Variants in PITPNC1 observed in about 807,000 individuals in gnomAD.
PITPNC1 encodes phosphatidylinositol transfer protein cytoplasmic 1.
PITPNC1 carries 18 observed loss-of-function variants against 44.7 expected under a neutral mutation model. That is an observed-to-expected ratio of 0.40 (90% CI 0.28 to 0.60). PITPNC1 has a LOEUF of 0.60. Among genes scored for constraint, PITPNC1 ranks in the 20% least tolerant of loss-of-function variants. PITPNC1 has a pLI of 0.39. For missense variants in PITPNC1, 290 were observed against 418.4 expected (o/e 0.69, Z 2.68); for synonymous variants, 141 against 149.6 (o/e 0.94, Z 0.42).
At chr17:67,490,107 C>A (rs1169181745) in intron 1 of PITPNC1, among the ~76,000 whole-genome samples, 2 of 140,428 alleles carry the variant, frequency 1.4e-5, no homozygotes, top group Admixed American at 1.5e-4. Flanking sequence ...TGGAAACAGG[C>A]TTTTCTGTGT....
At chr17:67,634,301 G>A (rs1049586308) in intron 6 of PITPNC1, among the ~76,000 whole-genome samples, 3 of 152,182 alleles carry the variant, frequency 2.0e-5, no homozygotes, top group Non-Finnish European at 4.4e-5. Flanking sequence ...GGATGTCTGG[G>A]CATGGTGCCT....
intron 1 of PITPNC1, among the ~76,000 whole-genome samples, chr17:67,387,418 C>T (rs959413372): frequency 6.6e-6 from 1 of 152,218 alleles, no homozygotes; most frequent in East Asian, 1.9e-4. Context: ...GTAATCCCAG[C>T]ACTTTGGGGT....
intron 1 of PITPNC1, among the ~76,000 whole-genome samples, chr17:67,462,618 A>G (rs1001634264): frequency 5.9e-5 from 9 of 152,018 alleles, no homozygotes; most frequent in African/African-American, 2.2e-4. Context: ...AATACATATC[A>G]TGCTAGAAAA....
chr17:67,555,274 G>A (rs1049395659), intron 4 of PITPNC1, among the ~76,000 whole-genome samples: 1 of 152,060 alleles, frequency 6.6e-6, no homozygotes, highest in Non-Finnish European at 1.5e-5. Flanking sequence ...GTCTTTAGAG[G>A]GTCATATTGT....
chr17:67,547,234 G>A (rs1361956354), intron 2 of PITPNC1, among the ~76,000 whole-genome samples: 1 of 152,162 alleles, frequency 6.6e-6, no homozygotes, highest in Non-Finnish European at 1.5e-5. Context: ...TCTGGTAAAG[G>A]CCAGGTGCAC....
At chr17:67,434,284 T>C (rs1408224233) in intron 1 of PITPNC1, among the ~76,000 whole-genome samples, 2 of 152,194 alleles carry the variant, frequency 1.3e-5, no homozygotes, top group African/African-American at 4.8e-5. Flanking sequence ...CAGAAACTAC[T>C]TTGCATCCCA....
intron 1 of PITPNC1, among the ~76,000 whole-genome samples, chr17:67,380,639 C>T (rs1038878618): frequency 6.6e-6 from 1 of 152,130 alleles, no homozygotes; most frequent in Non-Finnish European, 1.5e-5. Context: ...ATGTTAAACC[C>T]CTAGAGTCAG....
At chr17:67,400,511 T>A (rs915431865) in intron 1 of PITPNC1, among the ~76,000 whole-genome samples, 1 of 152,154 alleles carries the variant, frequency 6.6e-6, no homozygotes, top group African/African-American at 2.4e-5. Flanking sequence ...TAGTTTAGCA[T>A]TTTTTTAAAA....
intron 1 of PITPNC1, among the ~76,000 whole-genome samples, chr17:67,455,523 C>T (rs1412189745): frequency 1.3e-5 from 2 of 152,132 alleles, no homozygotes; most frequent in African/African-American, 2.4e-5. Context: ...TGGGTTCAAG[C>T]GATTCTCCTG....
At chr17:67,575,142 C>T (rs1234350202) in intron 4 of PITPNC1, among the ~76,000 whole-genome samples, 1 of 151,866 alleles carries the variant, frequency 6.6e-6, no homozygotes, top group African/African-American at 2.4e-5. Flanking sequence ...CTCCCCACTC[C>T]TTGGTTTGAC....
intron 1 of PITPNC1, among the ~76,000 whole-genome samples, chr17:67,482,667 A>G (rs1306891277): frequency 6.6e-6 from 1 of 152,340 alleles, no homozygotes; most frequent in Admixed American, 6.5e-5. Context: ...CAAGGGAGAC[A>G]GTAGGAACCA....
intron 8 of PITPNC1, among the ~76,000 whole-genome samples, chr17:67,677,514 T>C (rs1220249571): frequency 3.3e-5 from 5 of 151,512 alleles, no homozygotes; most frequent in African/African-American, 1.2e-4. Flanking sequence ...AGGAAGGCGA[T>C]GGGGCCTGAC....
intron 1 of PITPNC1, among the ~76,000 whole-genome samples, chr17:67,491,512 C>G (rs72845154): frequency 2.0e-5 from 3 of 152,226 alleles, no homozygotes; most frequent in Non-Finnish European, 4.4e-5. Context: ...TGGCACAGAG[C>G]ACACGCACGC....
At chr17:67,529,180 G>A in intron 1 of PITPNC1, among the ~76,000 whole-genome samples, 1 of 152,222 alleles carries the variant, frequency 6.6e-6, no homozygotes, top group East Asian at 1.9e-4. Context: ...TCCACCGGCT[G>A]TTGGTGAATC....
chr17:67,527,562 G>A (rs1006150721), intron 1 of PITPNC1, among the ~76,000 whole-genome samples: 12 of 152,162 alleles, frequency 7.9e-5, no homozygotes, highest in East Asian at 7.7e-4. Flanking sequence ...AATTAGCTGG[G>A]TGTGGTGGTG....
At chr17:67,598,238 AAAAAG>A (rs746181951) in intron 5 of PITPNC1, among the ~76,000 whole-genome samples, 17 of 152,308 alleles carry the variant, frequency 1.1e-4, no homozygotes, top group South Asian at 1.0e-3. Flanking sequence ...TCCGTCTCAA[AAAAAG>A]AAAAGAAAAG....
intron 1 of PITPNC1, among the ~76,000 whole-genome samples, chr17:67,458,335 G>A (rs1347500606): frequency 6.6e-6 from 1 of 152,008 alleles, no homozygotes; most frequent in Non-Finnish European, 1.5e-5. Flanking sequence ...CCTTCTCATT[G>A]TGCTCTCTAT....
intron 1 of PITPNC1, chr17:67,378,924 C>A: frequency 1.0e-6 from 1 of 972,664 alleles, no homozygotes; most frequent in Non-Finnish European, 1.2e-6. Flanking sequence ...GTGCCGGGGC[C>A]GCGGCTGCCG....
intron 1 of PITPNC1, among the ~76,000 whole-genome samples, chr17:67,460,893 C>T (rs1485323404): frequency 6.6e-6 from 1 of 151,284 alleles, no homozygotes; most frequent in African/African-American, 2.4e-5. Context: ...AGGCGCGCGC[C>T]ACCATGCCTG....
Sources: gnomAD v4.1 joint callset for allele counts (sites outside exome capture counted in the v4.1 genomes callset) on GRCh38, gnomAD v4.1.1 for gene constraint, MANE v1.5 for transcripts, NCBI Gene and HGNC (gene_info 2026-07-23, HGNC 2026-07-21) for gene names.